The following KIF19 variants were observed in gnomAD, a reference collection of about 807,000 sequenced individuals.
The protein encoded by KIF19 is kinesin family member 19.
A neutral mutation model predicts 106.6 loss-of-function variants in KIF19; 98 were observed. That is an observed-to-expected ratio of 0.92 (90% CI 0.78 to 1.09). The LOEUF is 1.09. Among genes scored for constraint, KIF19 ranks in the 50% least tolerant of loss-of-function variants. The pLI, the probability that KIF19 is intolerant of heterozygous loss-of-function variation, is 0.00. For synonymous variants in KIF19, 516 were observed against 584.2 expected, an observed-to-expected ratio of 0.88 and a Z score of 1.68; for missense variants, 1,373 against 1,414.3, an observed-to-expected ratio of 0.97 and a Z score of 0.47.
At chr17:74,340,906 C>T (rs2054354445) in intron 2 of KIF19, among the ~76,000 whole-genome samples, 1 of 152,196 alleles carries the variant, frequency 6.6e-6, no homozygotes, top group African/African-American at 2.4e-5. Flanking sequence ...AACTCAGAGC[C>T]TGGTTGGCAC....
At chr17:74,329,996 C>T (rs1485670370) in intron 2 of KIF19, among the ~76,000 whole-genome samples, 2 of 152,362 alleles carry the variant, frequency 1.3e-5, no homozygotes, top group East Asian at 3.9e-4. Context: ...CCTCTGGGCT[C>T]CCCAGGGGCA....
At chr17:74,351,190 A>T in intron 12 of KIF19, 1 of 438,374 alleles carries the variant, frequency 2.3e-6, no homozygotes, top group South Asian at 2.2e-5. Context: ...TGTTATAATT[A>T]GGGTTTTTCA....
rs1480221241 is a variant in KIF19 at position 74,335,606 on chromosome 17, AG to A, written c.121-6269del. On this transcript the variant is annotated intron_variant, in intron 2 of 19. Transcript: ENST00000389916. ...GCATTGAACTAAGAGCAGGGCTGGG[AG>A]AGGAGGCCGTGGAGGTGGGGTCTCA... 7.9e-5 allele frequency among the ~76,000 whole-genome samples: 12 copies of A among 152,362 alleles called. No individual in the cohort carries two copies. In the South Asian group the frequency reaches 1.7e-3, roughly 21 times the overall value.
chr17:74,327,787 C>T (rs1015756072), intron 1 of KIF19, among the ~76,000 whole-genome samples: 33 of 152,220 alleles, frequency 2.2e-4, no homozygotes, highest in Admixed American at 1.9e-3. Context: ...AGTCTTCACT[C>T]GGCCAGAGGG....
Position 74,341,972 on chromosome 17 carries a change from T to C in KIF19, c.217T>C (p.Phe73Leu), listed in dbSNP as rs2054387468. ...CTACCTGTTCGACGTGGCCTTTGAC[T>C]TCACCGCCACCCAGGTGAGGGAGGG... ...KSYLFDVAFD[F>L]TATQEMVYQA... The change falls in exon 3 of 20, where the codon TTC becomes CTC. Residue 73 changes from phenylalanine (F) to leucine (L), a missense_variant. Transcript: ENST00000389916. The C allele has an allele frequency of 6.2e-7, 1 of 1,613,022 alleles. No homozygotes were observed. The highest frequency in any genetic ancestry group is 8.5e-7 in the Non-Finnish European group (1 of 1,179,598).
At chr17:74,334,741 A>G (rs548569962) in intron 2 of KIF19, among the ~76,000 whole-genome samples, 6 of 152,192 alleles carry the variant, frequency 3.9e-5, no homozygotes, top group African/African-American at 1.4e-4. Context: ...CCTTTAAAGA[A>G]ACAAACAAAC....
In KIF19 at chr17:74,354,283, G is replaced by A. The variant is rs751587151; in HGVS notation, c.2430G>A (p.Leu810=). ...CACCCGCGACAGAGCGCAGCAGCCT[G>A]TCCCTGCACTCACTGAGCGAGGGCG... ...LLAPATERSS[L]SLHSLSEGDD... The change falls in exon 18 of 20, where the codon CTG becomes CTA. Residue 810 remains leucine (L), a synonymous_variant. Transcript: ENST00000389916. 6.2e-7 allele frequency: 1 copy of A among 1,608,780 alleles called. No individual in the cohort carries two copies. The highest frequency in any genetic ancestry group is 1.1e-5 in the South Asian group (1 of 90,960).
intron 2 of KIF19, among the ~76,000 whole-genome samples, chr17:74,334,699 T>G (rs2054179209): frequency 1.3e-5 from 2 of 152,184 alleles, no homozygotes; most frequent in Non-Finnish European, 2.9e-5. Context: ...ATGGTATGTT[T>G]ACAACTAGAA....
rs765095514 is a variant in KIF19, at chr17:74,354,280, C to T, written c.2427C>T (p.Ser809=). ...TGGCACCCGCGACAGAGCGCAGCAG[C>T]CTGTCCCTGCACTCACTGAGCGAGG... ...HLLAPATERS[S]LSLHSLSEGD... The change falls in exon 18 of 20, where the codon AGC becomes AGT. Residue 809 remains serine, a synonymous_variant. Transcript: ENST00000389916. 2.5e-6 allele frequency: 4 copies of T among 1,608,922 alleles called. No individual in the cohort carries two copies. The highest frequency in any genetic ancestry group is 3.4e-6 in the Non-Finnish European group (4 of 1,179,276).
chr17:74,342,977 T>TAC, intron 4 of KIF19, 47 bp from the exon 5 acceptor site: 1 of 1,527,888 alleles, frequency 6.5e-7, no homozygotes, highest in Non-Finnish European at 8.8e-7. Flanking sequence ...CAGCAAGGCC[T>TAC]CCCTCCCAGC....
chr17:74,354,524 C>T lies in KIF19; in HGVS notation c.2671C>T (p.Arg891Trp), dbSNP rs61746578. The T allele has an allele frequency of 4.6e-3, 7,444 of 1,601,670 alleles. 101 individuals carry two copies. The highest frequency in any genetic ancestry group is 0.039 in the African/African-American group (2,885 of 74,884). ...GTCGCTGGAGGCAAAGAGAAGGAAGCGGAGGTCCCGATCCTTCGAGGTCAC... is the reference window on the plus strand; with the variant it reads ...GTCGCTGGAGGCAAAGAGAAGGAAGTGGAGGTCCCGATCCTTCGAGGTCAC... ...EESLEAKRRK[R>W]RSRSFEVTGQ... The change falls in exon 18 of 20, where the codon CGG (arginine) becomes TGG (tryptophan). Residue 891 changes from arginine (R) to tryptophan (W), a missense_variant. Arg to Trp is a moderately radical substitution (Grantham distance 101, BLOSUM62 -3). Coordinates refer to ENST00000389916, the MANE Select transcript of KIF19 (RefSeq NM_153209.4).
rs767165679 is a variant in KIF19 at position 74,326,309 on chromosome 17, T to C, written c.-41T>C. Reference sequence around the variant, plus strand: ...AGGCGGTGGGGGTGCGGCTGAGCCATGCCCGGTGGCGCGGCCTGAGCCCCT... The same window carrying C: ...AGGCGGTGGGGGTGCGGCTGAGCCACGCCCGGTGGCGCGGCCTGAGCCCCT... On this transcript the variant is annotated 5_prime_UTR_variant, in exon 1 of 20. An upstream start codon of the reference 5' UTR is lost. Transcript: ENST00000389916. 7 of 1,595,160 alleles carry C rather than the reference T, an allele frequency of 4.4e-6. No homozygotes were observed. The South Asian group carries it at 5.6e-5, about 13-fold the overall frequency.
intron 5 of KIF19, 38 bp from the exon 6 acceptor site, chr17:74,344,185 T>G: frequency 1.3e-6 from 2 of 1,586,664 alleles, no homozygotes; most frequent in Non-Finnish European, 1.7e-6. Flanking sequence ...CTGCCCTTAG[T>G]CTCCCTTCCC....
At chr17:74,351,328 CAAAA>C (rs66627748) in intron 12 of KIF19, 9 of 79,340 alleles carry the variant, frequency 1.1e-4, no homozygotes, top group African/African-American at 3.0e-4. Flanking sequence ...ACTAAAAATA[CAAAA>C]AAAAAAAAAA....
chr17:74,328,301 T>C, intron 1 of KIF19, 124 bp from the exon 2 acceptor site: 1 of 794,312 alleles, frequency 1.3e-6, no homozygotes, highest in Non-Finnish European at 2.0e-6. Context: ...GGTAGAGTTT[T>C]ACTTAGGACA....
intron 1 of KIF19, 133 bp from the exon 2 acceptor site, chr17:74,328,292 G>A: frequency 1.4e-6 from 1 of 727,356 alleles, no homozygotes; most frequent in South Asian, 1.8e-5. Context: ...TCTGACCTAG[G>A]TAGAGTTTTA....
intron 1 of KIF19, among the ~76,000 whole-genome samples, chr17:74,327,692 C>T (rs1303428638): frequency 6.6e-6 from 1 of 152,134 alleles, no homozygotes; most frequent in African/African-American, 2.4e-5. Flanking sequence ...AGGCTGGTCT[C>T]GAACTCCTGA....
Position 74,346,772 on chromosome 17 carries a change from A to G in KIF19, c.924+248A>G, listed in dbSNP as rs2054542926. Among the ~76,000 whole-genome samples the G allele has an allele frequency of 6.6e-6, 1 of 152,214 alleles. No individual in the cohort carries two copies. The highest frequency in any genetic ancestry group is 1.5e-5 in the Non-Finnish European group (1 of 68,030). On this transcript the variant is annotated intron_variant, in intron 8 of 19. Transcript: ENST00000389916. The surrounding 1 kb of genome is among the most constrained non-coding windows in gnomAD (Gnocchi z 4.6). ...TGACGACCCTAACCAAAGGCTGGGC[A>G]ATGGGAAGGAAAAGGAGCACGTGAT...
chr17:74,349,407 G>T, intron 10 of KIF19, 58 bp downstream of exon 10: 1 of 1,496,816 alleles, frequency 6.7e-7, no homozygotes. Flanking sequence ...ACGTTGCTCT[G>T]GGATCAGGCC....
Sources: gnomAD v4.1 joint callset for allele counts (sites outside exome capture counted in the v4.1 genomes callset) on GRCh38, gnomAD v4.1.1 for gene constraint, Gnocchi (gnomAD v3.1) non-coding constraint, MANE v1.5 for transcripts, NCBI Gene and HGNC (gene_info 2026-07-23, HGNC 2026-07-21) for gene names.